Variants in RABGAP1L observed in about 807,000 individuals in gnomAD.
The protein encoded by RABGAP1L is RAB GTPase activating protein 1 like, also known as rab GTPase-activating protein 1-like.
RABGAP1L carries 63 observed loss-of-function variants against 137.7 expected under a neutral mutation model. The observed-to-expected ratio is 0.46, with a 90% CI of 0.37 to 0.56. The LOEUF (loss-of-function observed/expected upper bound fraction) is 0.56, where lower values mean the gene tolerates loss of function less well. Among genes scored for constraint, RABGAP1L ranks in the 20% least tolerant of loss-of-function variants. The pLI, the probability that RABGAP1L is intolerant of heterozygous loss-of-function variation, is 0.00. For synonymous variants in RABGAP1L, 431 were observed against 433.7 expected (o/e 0.99, Z 0.08); for missense variants, 1,095 against 1,244.0 (o/e 0.88, Z 1.80).
chr1:174,264,293 A>G (rs1673858174), intron 7 of RABGAP1L, among the ~76,000 whole-genome samples: 1 of 152,060 alleles, frequency 6.6e-6, no homozygotes, highest in South Asian at 2.1e-4. Flanking sequence ...TAATTCTTTT[A>G]TAATATGAAA....
chr1:174,671,192 A>G (rs552739206), intron 14 of RABGAP1L, among the ~76,000 whole-genome samples: 2 of 152,354 alleles, frequency 1.3e-5, no homozygotes, highest in African/African-American at 2.4e-5. Flanking sequence ...GTATTCTGCA[A>G]CTTTACTAAA....
chr1:174,226,772 C>CT (rs147723001), intron 3 of RABGAP1L, among the ~76,000 whole-genome samples: 12,077 of 150,058 alleles, frequency 0.08, 552 homozygotes, highest in Admixed American at 0.11. Context: ...TTTCTTTTTC[C>CT]TTTTTTTTTA....
intron 12 of RABGAP1L, among the ~76,000 whole-genome samples, chr1:174,388,907 C>G (rs1029467088): frequency 5.2e-4 from 79 of 152,038 alleles, no homozygotes; most frequent in African/African-American, 1.9e-3. Flanking sequence ...ACATAGCCAC[C>G]TACTTCCACC....
chr1:174,538,949 T>C (rs1050058262), intron 13 of RABGAP1L, among the ~76,000 whole-genome samples: 1 of 152,128 alleles, frequency 6.6e-6, no homozygotes, highest in Non-Finnish European at 1.5e-5. Context: ...AACATATTAG[T>C]GTAGTGTTGA....
At chr1:174,874,120 A>G (rs190969968) in intron 19 of RABGAP1L, among the ~76,000 whole-genome samples, 1 of 152,350 alleles carries the variant, frequency 6.6e-6, no homozygotes, top group Admixed American at 6.5e-5. Flanking sequence ...ACATTTAAAA[A>G]TCATTGGAGA....
At chr1:174,956,659 T>G (rs1179861117) in intron 19 of RABGAP1L, among the ~76,000 whole-genome samples, 1 of 151,292 alleles carries the variant, frequency 6.6e-6, no homozygotes, top group African/African-American at 2.4e-5. Flanking sequence ...TCTTTTTTTT[T>G]TTTTTTGAGA....
At chr1:174,328,361 A>G (rs1680732957) in intron 11 of RABGAP1L, among the ~76,000 whole-genome samples, 1 of 152,150 alleles carries the variant, frequency 6.6e-6, no homozygotes, top group African/African-American at 2.4e-5. Context: ...TTCTGACTGT[A>G]ATAGAAGTTG....
chr1:174,656,233 G>GA (rs1378106037), intron 14 of RABGAP1L, among the ~76,000 whole-genome samples: 2 of 152,150 alleles, frequency 1.3e-5, no homozygotes, highest in African/African-American at 4.8e-5. Context: ...ACGGCGGGTG[G>GA]ATGACCTGAG....
chr1:174,571,860 G>C (rs1572363402), intron 13 of RABGAP1L, among the ~76,000 whole-genome samples: 2 of 152,206 alleles, frequency 1.3e-5, no homozygotes. Context: ...GCTTCAACAC[G>C]GTGGCTCCAT....
intron 13 of RABGAP1L, among the ~76,000 whole-genome samples, chr1:174,615,366 A>G (rs777283482): frequency 9.9e-5 from 15 of 152,236 alleles, no homozygotes; most frequent in Non-Finnish European, 2.1e-4. Context: ...CCTGGGTATC[A>G]GCAGCAGTGG....
At chr1:174,328,856 A>T (rs1558137166) in intron 11 of RABGAP1L, among the ~76,000 whole-genome samples, 2 of 152,160 alleles carry the variant, frequency 1.3e-5, no homozygotes, top group African/African-American at 4.8e-5. Context: ...CCTTAGAGGG[A>T]AGTATACAGT....
chr1:174,573,306 T>G (rs537924124), intron 13 of RABGAP1L, among the ~76,000 whole-genome samples: 5 of 152,030 alleles, frequency 3.3e-5, no homozygotes, highest in Non-Finnish European at 7.4e-5. Flanking sequence ...TGTATATATA[T>G]ATATAATTTG....
At chr1:174,763,050 A>C (rs920813910) in intron 18 of RABGAP1L, among the ~76,000 whole-genome samples, 5 of 151,678 alleles carry the variant, frequency 3.3e-5, no homozygotes, top group African/African-American at 1.2e-4. Context: ...CCTGGCCTAA[A>C]GTGATCCACC....
At chr1:174,610,403 G>A (rs1465444655) in intron 13 of RABGAP1L, among the ~76,000 whole-genome samples, 1 of 150,500 alleles carries the variant, frequency 6.6e-6, no homozygotes, top group African/African-American at 2.4e-5. Context: ...TTTTATGGCT[G>A]CATAGTATTC....
chr1:174,600,292 G>C (rs1046736682), intron 13 of RABGAP1L, among the ~76,000 whole-genome samples: 1 of 152,122 alleles, frequency 6.6e-6, no homozygotes, highest in African/African-American at 2.4e-5. Flanking sequence ...TTTGAATGGG[G>C]AGACAGCCAA....
chr1:174,760,143 A>G (rs574971679), intron 18 of RABGAP1L, among the ~76,000 whole-genome samples: 1 of 152,036 alleles, frequency 6.6e-6, no homozygotes, highest in South Asian at 2.1e-4. Flanking sequence ...ACCATTGTTG[A>G]GTCCGTTGCC....
In RABGAP1L at chr1:174,908,886, A is replaced by C. The variant is rs149649536; in HGVS notation, c.2341-48571A>C. On this transcript the variant is annotated intron_variant, in intron 19 of 25. Coordinates refer to ENST00000681986, the MANE Select transcript of RABGAP1L (RefSeq NM_001366446.1). ...AACCAATGGGTCAATGAAAGTACTA[A>C]AAAGGGGCCGGGCACAGTGGCTCAC... Among the ~76,000 whole-genome samples, 490 of 150,068 alleles carry C rather than the reference A, an allele frequency of 3.3e-3. 1 individual carries two copies. The highest frequency in any genetic ancestry group is 0.011 in the African/African-American group (470 of 41,010).
intron 13 of RABGAP1L, among the ~76,000 whole-genome samples, chr1:174,535,667 T>C (rs1187378900): frequency 6.6e-6 from 1 of 152,160 alleles, no homozygotes; most frequent in Non-Finnish European, 1.5e-5. Context: ...CATGCTTTCA[T>C]AGTTTAGGGG....
At chr1:174,324,628 A>T (rs1420614552) in intron 11 of RABGAP1L, among the ~76,000 whole-genome samples, 2 of 152,200 alleles carry the variant, frequency 1.3e-5, no homozygotes, top group Non-Finnish European at 2.9e-5. Flanking sequence ...ATTATCTTTG[A>T]GGAAAATGTG....
Sources: gnomAD v4.1 joint callset for allele counts (sites outside exome capture counted in the v4.1 genomes callset) on GRCh38, gnomAD v4.1.1 for gene constraint, MANE v1.5 for transcripts, NCBI Gene and HGNC (gene_info 2026-07-23, HGNC 2026-07-21) for gene names.